CHORDC1: variants seen among roughly 807,000 people sequenced by gnomAD.
The protein encoded by CHORDC1 is cysteine and histidine-rich domain-containing protein 1.
CHORDC1 carries 25 observed loss-of-function variants against 48.3 expected under a neutral mutation model. The ratio of observed to expected loss-of-function variants is 0.52; its 90% CI spans 0.38 to 0.72. CHORDC1 has a LOEUF of 0.72. Among genes scored for constraint, CHORDC1 ranks in the 30% least tolerant of loss-of-function variants. CHORDC1 has a pLI of 0.00. For synonymous variants in CHORDC1, 128 were observed against 126.4 expected (o/e 1.01, Z -0.09); for missense variants, 317 against 388.7 (o/e 0.82, Z 1.55).
chr11:90,220,519 A>T (rs1858139689), intron 1 of CHORDC1, among the ~76,000 whole-genome samples: 1 of 152,190 alleles, frequency 6.6e-6, no homozygotes, highest in African/African-American at 2.4e-5. Flanking sequence ...CAGAAACATA[A>T]ACGCAATGTA....
Position 90,214,096 on chromosome 11 carries a change from T to G in CHORDC1, c.251A>C (p.Glu84Ala). ...KPEVKTTEKK[E>A]LCELKPKFQE... is the part of the protein sequence containing the mutation. ...AAATTTGGGTTTTAATTCACATAGC[T>G]CCTTCTTCTCAGTAGTCTTGACTTC... Residue 84 changes from glutamate (E) to alanine (A), a missense_variant, in exon 4 of 11, where the codon GAG (glutamate) becomes GCG (alanine). Transcript: ENST00000320585. The G allele has an allele frequency of 6.2e-7, 1 of 1,613,546 alleles. No homozygotes were observed. Among genetic ancestry groups the G allele is most frequent in the Non-Finnish European group, 8.5e-7 (1 of 1,179,556 alleles).
At chr11:90,205,394 C>A in intron 8 of CHORDC1, 66 bp downstream of exon 8, 1 of 1,023,314 alleles carries the variant, frequency 9.8e-7, no homozygotes, top group Non-Finnish European at 1.5e-6. Context: ...AGAATAATTT[C>A]AAATCTTTAA....
At chr11:90,209,122 T>C (rs796348558) in intron 6 of CHORDC1, 14 of 152,300 alleles carry the variant, frequency 9.2e-5, no homozygotes, top group African/African-American at 3.4e-4. Flanking sequence ...CCCAATCCAG[T>C]AATTACTAAT....
In CHORDC1 at chr11:90,222,611, T is replaced by G. The variant is rs779424733; in HGVS notation, c.64+280A>C. The G allele has an allele frequency of 2.6e-5, 17 of 654,690 alleles. No homozygotes were observed. The East Asian group carries it at 3.3e-4, about 13-fold the overall frequency. The allele number at this position is 654,690 out of a possible 1,614,324, so 40.6% of individuals were successfully genotyped here. A position where few individuals can be genotyped will look rare whatever the true frequency, so the allele number is the denominator to read the frequency against. On this transcript the variant is annotated intron_variant, in intron 1 of 10. Transcript: ENST00000320585. ...TAAATTCCAGGCGACTTAAAAGGAG[T>G]GCGGGGACGACGGGGGAAACACGTG...
chr11:90,207,768 AAAAAAAAAAAC>A (rs1173617032), intron 6 of CHORDC1: 12 of 148,338 alleles, frequency 8.1e-5, no homozygotes, highest in Non-Finnish European at 1.6e-4. Context: ...ATACAAAAAA[AAAAAAAAAAAC>A]AAAAAAAACT....
intron 4 of CHORDC1, chr11:90,212,630 C>G (rs1361576461): frequency 6.6e-6 from 1 of 151,932 alleles, no homozygotes; most frequent in African/African-American, 2.4e-5. Flanking sequence ...TATGTAAAAA[C>G]TGATATCCTC....
intron 6 of CHORDC1, chr11:90,206,654 T>C (rs187255287): frequency 3.1e-4 from 155 of 504,882 alleles, no homozygotes; most frequent in African/African-American, 2.7e-3. Flanking sequence ...ATGTAAGTAT[T>C]GTCAAATAAT....
chr11:90,210,079 A>C (rs1421164880), intron 6 of CHORDC1, among the ~76,000 whole-genome samples: 3 of 152,166 alleles, frequency 2.0e-5, no homozygotes, highest in Non-Finnish European at 4.4e-5. Context: ...GGTTTACATA[A>C]TCCATCCAGT....
intron 6 of CHORDC1, chr11:90,207,387 G>A (rs1324743821): frequency 6.6e-6 from 1 of 152,026 alleles, no homozygotes; most frequent in Non-Finnish European, 1.5e-5. Context: ...ATTTAAATGT[G>A]CCTCCATATG....
At chr11:90,205,745 G>A in intron 7 of CHORDC1, 180 bp from the exon 8 acceptor site, 2 of 562,970 alleles carry the variant, frequency 3.6e-6, no homozygotes, top group South Asian at 2.3e-5. Flanking sequence ...TGGAAACAGA[G>A]TGGAAGATTT....
chr11:90,211,631 T>C (rs1857862982), intron 4 of CHORDC1: 1 of 249,862 alleles, frequency 4.0e-6, no homozygotes, highest in Non-Finnish European at 7.6e-6. Flanking sequence ...AGATGAGTAA[T>C]GCTGAGGAAG....
At chr11:90,209,520 T>C (rs1321749219) in intron 6 of CHORDC1, 1 of 152,116 alleles carries the variant, frequency 6.6e-6, no homozygotes, top group Non-Finnish European at 1.5e-5. Context: ...AAAATCCCTA[T>C]CCTCACAACT....
At chr11:90,222,725 G>A (rs752691616) in intron 1 of CHORDC1, 166 bp downstream of exon 1, 7 of 727,042 alleles carry the variant, frequency 9.6e-6, no homozygotes, top group South Asian at 1.5e-5. Context: ...CGCAACAGAG[G>A]GGCGGCCGGC....
chr11:90,222,649 C>G (rs1168058385), intron 1 of CHORDC1: 1 of 686,092 alleles, frequency 1.5e-6, no homozygotes, highest in Non-Finnish European at 2.7e-6. Context: ...TCCATGGGAG[C>G]GTCTCTCTCC....
intron 1 of CHORDC1, chr11:90,222,400 A>T: frequency 3.0e-6 from 1 of 332,464 alleles, no homozygotes; most frequent in Non-Finnish European, 5.8e-6. Context: ...GATCGACTGA[A>T]CACAAACTTC....
At chr11:90,207,428 C>T (rs144845472) in intron 6 of CHORDC1, 3 of 151,976 alleles carry the variant, frequency 2.0e-5, no homozygotes, top group African/African-American at 2.4e-5. Flanking sequence ...AAGTAAGCAA[C>T]GATTTCTTAA....
chr11:90,211,240 T>C lies in CHORDC1; in HGVS notation c.408A>G (p.Ser136=), dbSNP rs1379644308. 2 of 1,591,950 alleles carry C rather than the reference T, an allele frequency of 1.3e-6. No homozygotes were observed. The highest frequency in any genetic ancestry group is 1.7e-5 in the Admixed American group (1 of 59,528). ...LKQALDKLKL[S]SGNEENKKEE... ...CTTTCTTATTTTCTTCATTCCCTGA[T>C]GACAGTTTAAGTTTATCAAGTGCTT... The change falls in exon 5 of 11, where the codon TCA becomes TCG. Residue 136 remains serine, a synonymous_variant. Coordinates refer to ENST00000320585, the MANE Select transcript of CHORDC1 (RefSeq NM_012124.3).
intron 6 of CHORDC1, 99 bp from the exon 7 acceptor site, chr11:90,206,371 T>C (rs1857687467): frequency 1.4e-6 from 1 of 690,428 alleles, no homozygotes; most frequent in Non-Finnish European, 2.6e-6. Context: ...CTTTGCAAAA[T>C]ACTTAAATGA....
At chr11:90,213,611 T>C in intron 4 of CHORDC1, 1 of 448,936 alleles carries the variant, frequency 2.2e-6, no homozygotes, top group Non-Finnish European at 3.9e-6. Flanking sequence ...AACGGTAGTT[T>C]TCAGGCATCT....
Sources: gnomAD v4.1 joint callset for allele counts (sites outside exome capture counted in the v4.1 genomes callset) on GRCh38, gnomAD v4.1.1 for gene constraint, MANE v1.5 for transcripts, NCBI Gene and HGNC (gene_info 2026-07-23, HGNC 2026-07-21) for gene names.